IL1RAPL1: variants seen among roughly 807,000 people sequenced by gnomAD.
The protein encoded by IL1RAPL1 is interleukin 1 receptor accessory protein like 1.
A neutral mutation model predicts 48.4 loss-of-function variants in IL1RAPL1; 3 were observed. That is an observed-to-expected ratio of 0.06 (90% confidence interval 0.03 to 0.16). IL1RAPL1 has a LOEUF of 0.16. Among genes scored for constraint, IL1RAPL1 ranks in the 10% least tolerant of loss-of-function variants. The pLI is 1.00. For missense variants in IL1RAPL1, 349 were observed against 530.6 expected, an observed-to-expected ratio of 0.66 and a Z score of 3.36; for synonymous variants, 185 against 187.7, an observed-to-expected ratio of 0.99 and a Z score of 0.12.
chrX:29,357,513 A>T (rs964569888), intron 3 of IL1RAPL1, among the ~76,000 whole-genome samples: 4 of 112,407 alleles, frequency 3.6e-5, no homozygotes, highest in African/African-American at 1.3e-4. Context: ...TCTTTTTCAA[A>T]TCATACAATT....
intron 3 of IL1RAPL1, among the ~76,000 whole-genome samples, chrX:29,317,604 TC>T (rs995827707): frequency 8.9e-6 from 1 of 112,254 alleles, no homozygotes; most frequent in African/African-American, 3.2e-5. Flanking sequence ...GCTTCTGATT[TC>T]ATGGTATGTA....
intron 2 of IL1RAPL1, among the ~76,000 whole-genome samples, chrX:28,889,795 T>C: frequency 9.0e-6 from 1 of 111,314 alleles, no homozygotes; most frequent in Non-Finnish European, 1.9e-5. Context: ...ATTTACAATA[T>C]CTGGTGACGT....
chrX:29,128,696 GTTA>G (rs1928950831), intron 2 of IL1RAPL1, among the ~76,000 whole-genome samples: 1 of 111,320 alleles, frequency 9.0e-6, no homozygotes, highest in Admixed American at 9.6e-5. Flanking sequence ...TGGGAATTGT[GTTA>G]TTCACCATTG....
At chrX:29,257,200 A>G (rs971822652) in intron 2 of IL1RAPL1, among the ~76,000 whole-genome samples, 1 of 111,478 alleles carries the variant, frequency 9.0e-6, no homozygotes, top group African/African-American at 3.3e-5. Flanking sequence ...CAAGCCTAGT[A>G]TGTCTCTGAA....
chrX:29,252,177 A>T (rs1269745058), intron 2 of IL1RAPL1, among the ~76,000 whole-genome samples: 1 of 112,610 alleles, frequency 8.9e-6, no homozygotes, highest in Non-Finnish European at 1.9e-5. Context: ...ATGACGAGTT[A>T]GTGGGTGCAG....
chrX:28,700,213 C>T (rs1041968995), intron 1 of IL1RAPL1, among the ~76,000 whole-genome samples: 3 of 110,932 alleles, frequency 2.7e-5, no homozygotes, highest in Non-Finnish European at 5.7e-5. Flanking sequence ...TACAGGGATG[C>T]CCTTTACTTT....
chrX:28,680,625 C>T (rs781472300), intron 1 of IL1RAPL1, among the ~76,000 whole-genome samples: 1 of 111,338 alleles, frequency 9.0e-6, no homozygotes, highest in East Asian at 2.8e-4. Context: ...AAGTCAGTTC[C>T]TTCTATACCT....
intron 6 of IL1RAPL1, among the ~76,000 whole-genome samples, chrX:29,825,695 T>C (rs1930721528): frequency 8.9e-6 from 1 of 112,148 alleles, no homozygotes; most frequent in South Asian, 3.7e-4. Flanking sequence ...AACTATTCAA[T>C]GGTACCAGAC....
At chrX:29,649,525 G>A (rs1925446304) in intron 5 of IL1RAPL1, among the ~76,000 whole-genome samples, 1 of 111,619 alleles carries the variant, frequency 9.0e-6, no homozygotes, top group Admixed American at 9.5e-5. Flanking sequence ...TGCAGAAAAA[G>A]CATTTAATAA....
At chrX:29,053,447 T>C (rs1450355585) in intron 2 of IL1RAPL1, among the ~76,000 whole-genome samples, 2 of 112,032 alleles carry the variant, frequency 1.8e-5, no homozygotes, top group Non-Finnish European at 3.8e-5. Context: ...CTTTGAGGAA[T>C]CACCACACTG....
intron 1 of IL1RAPL1, among the ~76,000 whole-genome samples, chrX:28,784,759 A>C (rs5943461): frequency 0.47 from 51,964 of 109,426 alleles, 9,003 homozygotes; most frequent in Middle Eastern, 0.63. Context: ...CCTCCCTTTC[A>C]CTTCCAAATT....
At chrX:28,666,810 A>G (rs946197862) in intron 1 of IL1RAPL1, among the ~76,000 whole-genome samples, 1 of 111,948 alleles carries the variant, frequency 8.9e-6, no homozygotes, top group African/African-American at 3.2e-5. Flanking sequence ...ACAAATTGCT[A>G]ATTGATATTA....
At chrX:29,291,015 A>G (rs1310613148) in intron 3 of IL1RAPL1, among the ~76,000 whole-genome samples, 1 of 111,558 alleles carries the variant, frequency 9.0e-6, no homozygotes, top group Non-Finnish European at 1.9e-5. Flanking sequence ...TTATAAATGC[A>G]AAGTATAGTG....
At chrX:29,144,204 G>A (rs910166032) in intron 2 of IL1RAPL1, among the ~76,000 whole-genome samples, 15 of 111,333 alleles carry the variant, frequency 1.3e-4, no homozygotes, top group African/African-American at 4.9e-4. Flanking sequence ...AAAGATTAAA[G>A]GAGGGCAGTG....
intron 2 of IL1RAPL1, among the ~76,000 whole-genome samples, chrX:28,913,912 A>G (rs1601956225): frequency 9.0e-6 from 1 of 111,142 alleles, no homozygotes; most frequent in East Asian, 2.8e-4. Context: ...CAGAAATTGA[A>G]TTTTAGGTAC....
intron 2 of IL1RAPL1, among the ~76,000 whole-genome samples, chrX:29,175,077 A>C (rs1929986451): frequency 4.8e-5 from 1 of 20,726 alleles, no homozygotes; most frequent in Non-Finnish European, 1.1e-4. Flanking sequence ...CCGTCTCAAA[A>C]AAAAAAAAAA....
At chrX:29,494,762 A>G (rs1935196194) in intron 5 of IL1RAPL1, among the ~76,000 whole-genome samples, 3 of 112,387 alleles carry the variant, frequency 2.7e-5, no homozygotes, top group African/African-American at 9.7e-5. Context: ...AGAAAATTTA[A>G]CTTAGCTTTA....
chrX:29,172,455 C>T (rs894081107), intron 2 of IL1RAPL1, among the ~76,000 whole-genome samples: 3 of 110,956 alleles, frequency 2.7e-5, no homozygotes, highest in Non-Finnish European at 5.7e-5. Context: ...AGGCTTACAA[C>T]GTAATGTTTT....
At chrX:29,514,186 C>T (rs1935422375) in intron 5 of IL1RAPL1, among the ~76,000 whole-genome samples, 1 of 111,187 alleles carries the variant, frequency 9.0e-6, no homozygotes, top group South Asian at 3.8e-4. Context: ...GATAGATTTG[C>T]TCTTATGTAA....
Sources: gnomAD v4.1 joint callset for allele counts (sites outside exome capture counted in the v4.1 genomes callset) on GRCh38, gnomAD v4.1.1 for gene constraint, MANE v1.5 for transcripts, NCBI Gene and HGNC (gene_info 2026-07-23, HGNC 2026-07-21) for gene names.